GPM6B: variants seen among roughly 807,000 people sequenced by gnomAD.
GPM6B encodes the protein neuronal membrane glycoprotein M6-b.
In GPM6B, 4 loss-of-function variants were observed where a neutral mutation model predicts 27.2. The observed-to-expected ratio is 0.15, with a 90% confidence interval of 0.07 to 0.34. The LOEUF (loss-of-function observed/expected upper bound fraction) is 0.34, where lower values mean the gene tolerates loss of function less well. Ranked by LOEUF, GPM6B falls within the 10% of genes least tolerant of loss-of-function variation. The pLI, the probability that GPM6B is intolerant of heterozygous loss-of-function variation, is 1.00. For synonymous variants in GPM6B, 124 were observed against 103.1 expected (o/e 1.20, Z -1.23); for missense variants, 183 against 261.9 (o/e 0.70, Z 2.08).
chrX:13,798,266 G>A lies in GPM6B; in HGVS notation c.181+9384C>T, dbSNP rs2048853107. 2.7e-5 allele frequency among the ~76,000 whole-genome samples: 3 copies of A among 110,057 alleles called. No individual in the cohort carries two copies. The South Asian group carries it at 1.2e-3, about 43-fold the overall frequency. ...CAAGAGCCACATTAACCTGGGTGATGGGAACCCTCCAGGCAGCAAGGCACA... is the reference window on the plus strand; with the variant it reads ...CAAGAGCCACATTAACCTGGGTGATAGGAACCCTCCAGGCAGCAAGGCACA... On this transcript the variant is annotated intron_variant, in intron 2 of 7. Coordinates refer to ENST00000316715, the MANE Select transcript of GPM6B (RefSeq NM_001001995.3).
At chrX:13,928,799 C>T (rs756313703) in intron 1 of GPM6B, among the ~76,000 whole-genome samples, 1 of 112,203 alleles carries the variant, frequency 8.9e-6, no homozygotes, top group South Asian at 3.7e-4. Context: ...TTCTGACCCT[C>T]GCTTCCAATG....
intron 1 of GPM6B, among the ~76,000 whole-genome samples, chrX:13,894,032 G>C (rs1305695851): frequency 8.9e-6 from 1 of 112,007 alleles, no homozygotes; most frequent in Non-Finnish European, 1.9e-5. Context: ...GGGAGAACTT[G>C]CTGGCGCCAG....
At chrX:13,879,856 G>T (rs897878818) in intron 1 of GPM6B, among the ~76,000 whole-genome samples, 1 of 111,790 alleles carries the variant, frequency 8.9e-6, no homozygotes, top group Non-Finnish European at 1.9e-5. Context: ...TGGGACCTGA[G>T]GATTTGCATT....
chrX:13,878,966 A>C lies in GPM6B; in HGVS notation c.-198+59361T>G, dbSNP rs142946441. Among the ~76,000 whole-genome samples the C allele has an allele frequency of 4.5e-3, 507 of 112,014 alleles. 12 individuals are homozygous for C. Among genetic ancestry groups the C allele is most frequent in the Admixed American group, 0.033 (351 of 10,621 alleles). Reference sequence around the variant, plus strand: ...ATTCTCCCCTAGGGCTTCTAGAAAGAAACACAGTTCATCTACACCTGGATT... The same window carrying C: ...ATTCTCCCCTAGGGCTTCTAGAAAGCAACACAGTTCATCTACACCTGGATT... On this transcript the variant is annotated intron_variant, in intron 1 of 6. Coordinates refer to the GPM6B transcript ENST00000398361.
intron 4 of GPM6B, among the ~76,000 whole-genome samples, chrX:13,781,806 C>T (rs2048521227): frequency 8.9e-6 from 1 of 111,876 alleles, no homozygotes; most frequent in Non-Finnish European, 1.9e-5. Flanking sequence ...CCACCTTGGG[C>T]CCATGTTGTC....
chrX:13,781,344 G>T (rs2048512465), intron 4 of GPM6B, among the ~76,000 whole-genome samples: 1 of 111,969 alleles, frequency 8.9e-6, no homozygotes. Context: ...TAAGCCAAAG[G>T]GAAAAGTCAA....
chrX:13,824,358 T>C (rs187204061), intron 1 of GPM6B, among the ~76,000 whole-genome samples: 2 of 112,342 alleles, frequency 1.8e-5, no homozygotes, highest in Non-Finnish European at 3.8e-5. Context: ...TGCACTGGAA[T>C]CATAGGGGAA....
intron 1 of GPM6B, among the ~76,000 whole-genome samples, chrX:13,891,378 T>A (rs139969434): frequency 0.032 from 3,494 of 109,947 alleles, 93 homozygotes; most frequent in East Asian, 0.2. Flanking sequence ...GTCATGCTAA[T>A]CTTTTCTTCC....
intron 1 of GPM6B, among the ~76,000 whole-genome samples, chrX:13,832,789 T>C (rs1310041290): frequency 8.9e-6 from 1 of 111,867 alleles, no homozygotes; most frequent in Non-Finnish European, 1.9e-5. Flanking sequence ...TTGGGACAAC[T>C]TGAAATAATG....
At chrX:13,791,019 A>C (rs1242459492) in intron 2 of GPM6B, among the ~76,000 whole-genome samples, 3 of 112,098 alleles carry the variant, frequency 2.7e-5, no homozygotes. Context: ...CCATGCTGTT[A>C]AAAGTTTACG....
chrX:13,804,634 AC>A (rs764080254), intron 2 of GPM6B, among the ~76,000 whole-genome samples: 101 of 110,804 alleles, frequency 9.1e-4, no homozygotes, highest in Non-Finnish European at 1.8e-3. Context: ...AACCGCCATG[AC>A]CTTTCCAATG....
At chrX:13,873,874 C>A (rs188594163) in intron 1 of GPM6B, among the ~76,000 whole-genome samples, 2 of 111,920 alleles carry the variant, frequency 1.8e-5, no homozygotes, top group Non-Finnish European at 3.8e-5. Flanking sequence ...TCATGTCCTT[C>A]ACATTGAAAC....
intron 1 of GPM6B, among the ~76,000 whole-genome samples, chrX:13,855,574 A>G (rs1368060320): frequency 8.9e-6 from 1 of 112,246 alleles, no homozygotes; most frequent in Non-Finnish European, 1.9e-5. Context: ...GCTACAACGA[A>G]GAGTTCAGCA....
At chrX:13,893,583 G>C in intron 1 of GPM6B, among the ~76,000 whole-genome samples, 1 of 112,385 alleles carries the variant, frequency 8.9e-6, no homozygotes, top group Non-Finnish European at 1.9e-5. Flanking sequence ...AAATTTGACT[G>C]AATGGCCAAA....
chrX:13,777,333 T>C lies in GPM6B; in HGVS notation c.771+19A>G, dbSNP rs1264344585. ...TCAGCCTAATACTCAAGGGTTATTC[T>C]GAACTGTGATGAGTTTACCTCGTTT... On this transcript the variant is annotated intron_variant, in intron 6 of 7. Transcript: ENST00000316715. The C allele has an allele frequency of 8.8e-7, 1 of 1,142,634 alleles. No homozygotes were observed. The highest frequency in any genetic ancestry group is 2.2e-5 in the Admixed American group (1 of 45,995). 94.2% of individuals were successfully genotyped at this position (1,142,634 alleles called of 1,213,427 possible).
chrX:13,836,931 C>CAA (rs35389445), intron 1 of GPM6B, among the ~76,000 whole-genome samples: 3 of 111,130 alleles, frequency 2.7e-5, no homozygotes, highest in East Asian at 2.8e-4. Flanking sequence ...CGCTTTCCTG[C>CAA]AAAAAAAATC....
chrX:13,822,799 T>C (rs1255748777), intron 1 of GPM6B, among the ~76,000 whole-genome samples: 2 of 111,827 alleles, frequency 1.8e-5, no homozygotes, highest in African/African-American at 3.2e-5. Context: ...AATTCTTAAA[T>C]AGTAGACAGA....
intron 1 of GPM6B, among the ~76,000 whole-genome samples, chrX:13,833,654 G>T (rs941966526): frequency 9.0e-6 from 1 of 110,950 alleles, no homozygotes; most frequent in Non-Finnish European, 1.9e-5. Flanking sequence ...TTGAACCCAG[G>T]AGTTTAAGGC....
At chrX:13,864,959 G>A (rs1293848249) in intron 1 of GPM6B, among the ~76,000 whole-genome samples, 1 of 111,715 alleles carries the variant, frequency 9.0e-6, no homozygotes, top group Admixed American at 9.5e-5. Context: ...TGAGAAATTA[G>A]CAACAATAAC....
Sources: gnomAD v4.1 joint callset for allele counts (sites outside exome capture counted in the v4.1 genomes callset) on GRCh38, gnomAD v4.1.1 for gene constraint, MANE v1.5 for transcripts, NCBI Gene and HGNC (gene_info 2026-07-23, HGNC 2026-07-21) for gene names.